Variants in UBE2D3 observed in about 807,000 individuals in gnomAD.
UBE2D3 encodes ubiquitin conjugating enzyme E2 D3.
In UBE2D3, 2 loss-of-function variants were observed where a neutral mutation model predicts 22.8. That is an observed-to-expected ratio of 0.09 (90% CI 0.04 to 0.28). The LOEUF (loss-of-function observed/expected upper bound fraction) is 0.28, where lower values mean the gene tolerates loss of function less well. Ranked by LOEUF, UBE2D3 falls within the 10% of genes least tolerant of loss-of-function variation. The pLI is 1.00. For synonymous variants in UBE2D3, 56 were observed against 60.4 expected (o/e 0.93, Z 0.34); for missense variants, 27 against 182.5 (o/e 0.15, Z 4.91).
At chr4:102,823,140 T>C (rs921816175) in intron 2 of UBE2D3, among the ~76,000 whole-genome samples, 2 of 152,220 alleles carry the variant, frequency 1.3e-5, no homozygotes, top group Non-Finnish European at 1.5e-5. Context: ...TGAGACTGCA[T>C]TGTCTTAACT....
At chr4:102,819,723 T>C (rs1729294256) in intron 2 of UBE2D3, 1 of 392,076 alleles carries the variant, frequency 2.6e-6, no homozygotes, top group Non-Finnish European at 3.5e-6. Flanking sequence ...CCACAAATCA[T>C]TTGTTATCCC....
chr4:102,823,487 G>A (rs1729956461), intron 2 of UBE2D3, among the ~76,000 whole-genome samples: 1 of 152,162 alleles, frequency 6.6e-6, no homozygotes, highest in Non-Finnish European at 1.5e-5. Context: ...CATACTTCCA[G>A]AAATAAAAAC....
chr4:102,820,399 A>C (rs1729413942), intron 2 of UBE2D3, among the ~76,000 whole-genome samples: 1 of 152,240 alleles, frequency 6.6e-6, no homozygotes, highest in South Asian at 2.1e-4. Context: ...ACACATTTTA[A>C]TTTGAAATTT....
intron 4 of UBE2D3, 173 bp downstream of exon 4, chr4:102,809,499 G>A (rs1005554534): frequency 2.8e-6 from 2 of 703,762 alleles, no homozygotes; most frequent in Non-Finnish European, 4.7e-6. Context: ...CAAAGTACAC[G>A]TAACAAATGA....
intron 2 of UBE2D3, among the ~76,000 whole-genome samples, chr4:102,820,454 T>G (rs1162617014): frequency 6.6e-6 from 1 of 152,234 alleles, no homozygotes; most frequent in Admixed American, 6.5e-5. Flanking sequence ...CAGTAGGCAC[T>G]GCACAGTATC....
At chr4:102,837,383 A>G (rs147595304) in intron 1 of UBE2D3, among the ~76,000 whole-genome samples, 5 of 152,358 alleles carry the variant, frequency 3.3e-5, no homozygotes, top group Admixed American at 2.6e-4. Flanking sequence ...AGACATACCT[A>G]ATTTTATTGA....
At chr4:102,801,368 C>T in intron 6 of UBE2D3, 86 bp downstream of exon 6, 1 of 1,172,976 alleles carries the variant, frequency 8.5e-7, no homozygotes, top group Admixed American at 2.4e-5. Flanking sequence ...CAAAAAGCTG[C>T]CATAATAAAA....
intron 7 of UBE2D3, chr4:102,799,079 A>AT: frequency 7.7e-7 from 1 of 1,299,940 alleles, no homozygotes; most frequent in South Asian, 1.3e-5. Flanking sequence ...TTTAGACCAA[A>AT]TTTTTACAAT....
intron 5 of UBE2D3, chr4:102,801,903 T>TC (rs1315476946): frequency 2.9e-5 from 5 of 171,186 alleles, no homozygotes; most frequent in Middle Eastern, 2.6e-3. Flanking sequence ...GTAGACCATC[T>TC]CATTTAAAGT....
At chr4:102,827,011 G>T (rs1422988268) in intron 1 of UBE2D3, 5 of 995,124 alleles carry the variant, frequency 5.0e-6, no homozygotes, top group Non-Finnish European at 1.2e-6. Flanking sequence ...ATAAGACTCC[G>T]GACGGACGCC....
chr4:102,807,818 T>C (rs1297387107), intron 4 of UBE2D3, among the ~76,000 whole-genome samples: 1 of 152,202 alleles, frequency 6.6e-6, no homozygotes, highest in Non-Finnish European at 1.5e-5. Context: ...TTCCTTTTGA[T>C]TGTCTATAGG....
intron 7 of UBE2D3, among the ~76,000 whole-genome samples, chr4:102,798,426 G>A (rs1725583485): frequency 1.3e-5 from 2 of 151,116 alleles, no homozygotes; most frequent in Admixed American, 1.3e-4. Context: ...CATCTCCTAA[G>A]GATACTCTCT....
At chr4:102,849,495 C>G (rs1364959928) in intron 1 of UBE2D3, among the ~76,000 whole-genome samples, 1 of 151,574 alleles carries the variant, frequency 6.6e-6, no homozygotes, top group East Asian at 1.9e-4. Context: ...ATATATTTGA[C>G]CAAGAACTCA....
chr4:102,827,491 C>T lies in UBE2D3; in HGVS notation c.-193G>A, dbSNP rs1324542850. ...CCTCCCCGCGCGGCAGCTGGTGCCTCCCCGGCCCTACGGGGCTCACGCGCA... is the reference window on the plus strand; with the variant it reads ...CCTCCCCGCGCGGCAGCTGGTGCCTTCCCGGCCCTACGGGGCTCACGCGCA... On this transcript the variant is annotated 5_prime_UTR_variant, in exon 1 of 8. Coordinates refer to ENST00000453744, the MANE Select transcript of UBE2D3 (RefSeq NM_181891.3). 1.0e-6 allele frequency: 1 copy of T among 986,222 alleles called. No homozygotes were observed. Among genetic ancestry groups the T allele is most frequent in the South Asian group, 4.7e-5 (1 of 21,330 alleles). The allele number at this position is 986,222 out of a possible 1,614,324, so 61.1% of individuals were successfully genotyped here. A position where few individuals can be genotyped will look rare whatever the true frequency, so the allele number is the denominator to read the frequency against.
At chr4:102,837,669 C>T (rs1411286352) in intron 1 of UBE2D3, among the ~76,000 whole-genome samples, 2 of 151,728 alleles carry the variant, frequency 1.3e-5, no homozygotes, top group East Asian at 2.0e-4. Flanking sequence ...AAAAATTTTT[C>T]GGCTGGGCGC....
intron 1 of UBE2D3, among the ~76,000 whole-genome samples, chr4:102,866,172 A>G (rs112775173): frequency 2.6e-5 from 4 of 151,602 alleles, no homozygotes; most frequent in South Asian, 2.1e-4. Context: ...ATTATCTCCT[A>G]TTACACATTC....
At chr4:102,867,901 G>GA (rs148131040) in intron 1 of UBE2D3, among the ~76,000 whole-genome samples, 1 of 151,844 alleles carries the variant, frequency 6.6e-6, no homozygotes, top group African/African-American at 2.4e-5. Flanking sequence ...AAAACTTTAT[G>GA]AAAAAAAATT....
At chr4:102,806,202 T>G (rs1044082859) in intron 4 of UBE2D3, among the ~76,000 whole-genome samples, 1 of 152,182 alleles carries the variant, frequency 6.6e-6, no homozygotes, top group African/African-American at 2.4e-5. Flanking sequence ...TTTCATCTTC[T>G]GTCTCTTCTA....
At chr4:102,845,254 A>G (rs1322358153) in intron 1 of UBE2D3, among the ~76,000 whole-genome samples, 1 of 152,104 alleles carries the variant, frequency 6.6e-6, no homozygotes, top group Non-Finnish European at 1.5e-5. Flanking sequence ...AATTTTGGAT[A>G]TTTTCCTTTC....
Sources: allele counts gnomAD v4.1 joint callset (sites outside exome capture counted in the v4.1 genomes callset), GRCh38; gene constraint gnomAD v4.1.1; transcripts MANE v1.5; gene names NCBI Gene and HGNC (gene_info 2026-07-23, HGNC 2026-07-21).